The following SLC25A43 variants were observed in gnomAD, a reference collection of about 807,000 sequenced individuals.
SLC25A43 encodes the protein solute carrier family 25 member 43, also known as solute carrier family 25, member 43.
In SLC25A43, 10 loss-of-function variants were observed where a neutral mutation model predicts 22.8. That is an observed-to-expected ratio of 0.44 (90% confidence interval 0.27 to 0.74). The LOEUF (loss-of-function observed/expected upper bound fraction) is 0.74. Ranked by LOEUF, SLC25A43 falls within the 30% of genes least tolerant of loss-of-function variation. SLC25A43 has a pLI of 0.17. For missense variants in SLC25A43, 233 were observed against 279.1 expected, an observed-to-expected ratio of 0.83 and a Z score of 1.18; for synonymous variants, 106 against 121.6, an observed-to-expected ratio of 0.87 and a Z score of 0.84.
rs762755488 is a variant in SLC25A43 at position 119,427,169 on chromosome X, G to C, written c.690+16807G>C. On this transcript the variant is annotated intron_variant, in intron 3 of 4. Transcript: ENST00000217909. ...CAGCACATGCCAGGCCTGTGACCCAGGCCTCAGCAGCTCTGCTCACTTGCA... is the reference window on the plus strand; with the variant it reads ...CAGCACATGCCAGGCCTGTGACCCACGCCTCAGCAGCTCTGCTCACTTGCA... 8.6e-4 allele frequency among the ~76,000 whole-genome samples: 96 copies of C among 111,175 alleles called. 1 individual carries two copies. Among genetic ancestry groups the C allele is most frequent in the African/African-American group, 3.0e-3 (92 of 30,583 alleles).
At chrX:119,429,255 T>G (rs1239868178) in intron 3 of SLC25A43, among the ~76,000 whole-genome samples, 1 of 110,896 alleles carries the variant, frequency 9.0e-6, no homozygotes, top group Non-Finnish European at 1.9e-5. Flanking sequence ...TTTCACCATG[T>G]TGGCCAGGAT....
At chrX:119,450,116 C>G (rs940411610) in intron 3 of SLC25A43, among the ~76,000 whole-genome samples, 2 of 111,342 alleles carry the variant, frequency 1.8e-5, no homozygotes, top group African/African-American at 3.3e-5. Context: ...TTTTGGAGGT[C>G]AGTGGGAGGT....
chrX:119,431,836 G>A (rs1291104675), intron 3 of SLC25A43, among the ~76,000 whole-genome samples: 3 of 111,362 alleles, frequency 2.7e-5, no homozygotes, highest in South Asian at 3.8e-4. Context: ...AAGGTAGAGT[G>A]TGCCGCAGCA....
Position 119,407,432 on chromosome X carries a change from C to A in SLC25A43, c.517+731C>A, listed in dbSNP as rs1006696550. 7.2e-5 allele frequency among the ~76,000 whole-genome samples: 8 copies of A among 111,776 alleles called. No homozygotes were observed. The Admixed American group carries it at 7.7e-4, about 11-fold the overall frequency. ...CAGTGTATTCTGTGACCCTTATTCT[C>A]TACCTCTTTAGTAACAATGGCCAAC... is the stretch of plus-strand genomic sequence containing the variant. On this transcript the variant is annotated intron_variant, in intron 2 of 4. Transcript: ENST00000217909.
At chrX:119,422,556 C>G (rs1376755471) in intron 3 of SLC25A43, among the ~76,000 whole-genome samples, 3 of 112,437 alleles carry the variant, frequency 2.7e-5, no homozygotes, top group African/African-American at 9.7e-5. Flanking sequence ...AACACACAGC[C>G]TCATGTAGCA....
chrX:119,427,926 A>G (rs188888564), intron 3 of SLC25A43, among the ~76,000 whole-genome samples: 1 of 112,247 alleles, frequency 8.9e-6, no homozygotes, highest in East Asian at 2.8e-4. Flanking sequence ...ACACATACAC[A>G]TGATACAAAA....
intron 3 of SLC25A43, among the ~76,000 whole-genome samples, chrX:119,432,367 C>T (rs1338241307): frequency 9.0e-6 from 1 of 111,480 alleles, no homozygotes; most frequent in African/African-American, 3.3e-5. Context: ...AATGATGTCT[C>T]GTGGGGGTAG....
chrX:119,430,513 C>G (rs1440910367), intron 3 of SLC25A43, among the ~76,000 whole-genome samples: 2 of 111,940 alleles, frequency 1.8e-5, no homozygotes, highest in Admixed American at 1.9e-4. Context: ...TGTGCTTTGT[C>G]TCCCAGGCAC....
intron 3 of SLC25A43, among the ~76,000 whole-genome samples, chrX:119,442,022 G>A (rs2052627040): frequency 1.8e-5 from 2 of 111,457 alleles, no homozygotes; most frequent in African/African-American, 3.3e-5. Flanking sequence ...CCCGGGAGAC[G>A]GAGGTTGCAA....
intron 4 of SLC25A43, among the ~76,000 whole-genome samples, chrX:119,452,389 G>T (rs2052712897): frequency 9.2e-6 from 1 of 109,102 alleles, no homozygotes; most frequent in Non-Finnish European, 1.9e-5. Flanking sequence ...TAATGTGGAG[G>T]TTCATGGGCC....
intron 3 of SLC25A43, among the ~76,000 whole-genome samples, chrX:119,429,431 G>A (rs1383682255): frequency 8.9e-6 from 1 of 112,095 alleles, no homozygotes; most frequent in Non-Finnish European, 1.9e-5. Context: ...GCCTCTGTTG[G>A]AAGACCTCTG....
chrX:119,428,648 A>G (rs1442224694), intron 3 of SLC25A43, among the ~76,000 whole-genome samples: 1 of 111,927 alleles, frequency 8.9e-6, no homozygotes, highest in Non-Finnish European at 1.9e-5. Context: ...TGTTACATAC[A>G]TTTTTCACGC....
intron 3 of SLC25A43, among the ~76,000 whole-genome samples, chrX:119,419,240 C>T (rs148369344): frequency 5.2e-4 from 58 of 111,628 alleles, no homozygotes; most frequent in African/African-American, 1.6e-3. Flanking sequence ...CTGACACCCT[C>T]CCCTATTGCC....
At chrX:119,452,179 C>G in intron 4 of SLC25A43, 36 bp downstream of exon 4, 1 of 1,165,339 alleles carries the variant, frequency 8.6e-7, no homozygotes, top group Non-Finnish European at 1.1e-6. Context: ...GCTCCCCTGC[C>G]TCTTCCAATT....
intron 3 of SLC25A43, among the ~76,000 whole-genome samples, chrX:119,449,794 C>T (rs1031215849): frequency 2.7e-5 from 3 of 111,378 alleles, no homozygotes; most frequent in Non-Finnish European, 5.7e-5. Flanking sequence ...TCCAAGAGGC[C>T]AGTAACAGAC....
intron 1 of SLC25A43, among the ~76,000 whole-genome samples, chrX:119,403,274 C>T (rs1203567654): frequency 9.1e-6 from 1 of 109,905 alleles, no homozygotes; most frequent in Non-Finnish European, 1.9e-5. Context: ...TGCTGCAGAC[C>T]GCCCCTCCAG....
intron 3 of SLC25A43, chrX:119,423,538 A>AG (rs1451603676): frequency 1.7e-5 from 1 of 59,646 alleles, no homozygotes; most frequent in Non-Finnish European, 3.0e-5. Context: ...CAAAAAAAAA[A>AG]AAAAGAAAAG....
rs778639368 is a variant in SLC25A43, at chrX:119,421,191, G to C, written c.690+10829G>C. The stretch of plus-strand genomic sequence containing the variant: ...ATGGCTTTCAAAAGCATTCTGGAGA[G>C]CTAAACTTCACTGTGCTCACAAAAT... On this transcript the variant is annotated intron_variant, in intron 3 of 4. Transcript: ENST00000217909. Among the ~76,000 whole-genome samples the C allele has an allele frequency of 9.3e-5, 10 of 107,850 alleles. No individual in the cohort carries two copies. The South Asian group carries it at 4.1e-3, about 44-fold the overall frequency. The allele number at this position is 107,850 out of a possible 115,157, so 93.7% of individuals were successfully genotyped here. A position where few individuals can be genotyped will look rare whatever the true frequency, so the allele number is the denominator to read the frequency against.
Position 119,443,116 on chromosome X carries a change from CTT to C in SLC25A43, c.691-8873_691-8872del, listed in dbSNP as rs58081965. On this transcript the variant is annotated intron_variant, in intron 3 of 4. Coordinates refer to ENST00000217909, the MANE Select transcript of SLC25A43 (RefSeq NM_145305.3). The stretch of plus-strand genomic sequence containing the variant: ...CAGTCTTTCTTTTCCCATTCTCTCT[CTT>C]TTTTTTTTTTTTTTTTTTTGAGACA... Among the ~76,000 whole-genome samples, 335 of 73,400 alleles carry C rather than the reference CTT, an allele frequency of 4.6e-3. 2 individuals are homozygous for C. Among genetic ancestry groups the C allele is most frequent in the African/African-American group, 9.4e-3 (178 of 18,842 alleles). The allele number at this position is 73,400 out of a possible 115,157, so 63.7% of individuals were successfully genotyped here. A position where few individuals can be genotyped will look rare whatever the true frequency, so the allele number is the denominator to read the frequency against.
Sources: gnomAD v4.1 joint callset for allele counts (sites outside exome capture counted in the v4.1 genomes callset) on GRCh38, gnomAD v4.1.1 for gene constraint, MANE v1.5 for transcripts, NCBI Gene and HGNC (gene_info 2026-07-23, HGNC 2026-07-21) for gene names.